The following DMD variants were observed in gnomAD, a reference collection of about 807,000 sequenced individuals.
The protein encoded by DMD is mutant dystrophin.
Under a neutral mutation model 330.1 loss-of-function variants are expected in DMD, and 63 were observed. The ratio of observed to expected loss-of-function variants is 0.19; its 90% CI spans 0.16 to 0.24. The LOEUF (loss-of-function observed/expected upper bound fraction) is 0.24. DMD is among the 10% of genes least tolerant of loss of function. The pLI, the probability that DMD is intolerant of heterozygous loss-of-function variation, is 1.00. For synonymous variants in DMD, 1,223 were observed against 959.8 expected (o/e 1.27, Z -5.07); for missense variants, 3,344 against 2,684.1 (o/e 1.25, Z -5.43).
At chrX:32,144,746 TCACG>T (rs2096770561) in intron 44 of DMD, among the ~76,000 whole-genome samples, 1 of 111,983 alleles carries the variant, frequency 8.9e-6, no homozygotes, top group Non-Finnish European at 1.9e-5. Context: ...AAAATAAAAT[TCACG>T]GGCTGGGCGC....
chrX:32,297,204 T>C (rs957775302), intron 42 of DMD, among the ~76,000 whole-genome samples: 2 of 110,630 alleles, frequency 1.8e-5, no homozygotes, highest in Non-Finnish European at 3.8e-5. Context: ...AAGAAATATT[T>C]GTTGAAAAAA....
intron 43 of DMD, among the ~76,000 whole-genome samples, chrX:32,262,362 G>T (rs1238623189): frequency 9.0e-6 from 1 of 111,341 alleles, no homozygotes; most frequent in Non-Finnish European, 1.9e-5. Flanking sequence ...GGAGGGGCAG[G>T]AGAGAGTGAT....
At chrX:32,051,306 A>C (rs1476617491) in intron 44 of DMD, among the ~76,000 whole-genome samples, 1 of 110,430 alleles carries the variant, frequency 9.1e-6, no homozygotes, top group Non-Finnish European at 1.9e-5. Flanking sequence ...ATAACCCCAT[A>C]ATTTATAAAT....
chrX:32,128,799 A>G (rs955294406), intron 44 of DMD, among the ~76,000 whole-genome samples: 3 of 112,249 alleles, frequency 2.7e-5, no homozygotes, highest in Non-Finnish European at 5.6e-5. Flanking sequence ...GGTTTAAAAC[A>G]CTTCTACTTA....
intron 64 of DMD, among the ~76,000 whole-genome samples, chrX:31,215,654 A>T (rs866196972): frequency 7.1e-5 from 8 of 112,081 alleles, no homozygotes; most frequent in African/African-American, 9.7e-5. Context: ...GTGGCCATCA[A>T]TTGTGATGAT....
chrX:32,679,027 T>G (rs775517027), intron 9 of DMD, among the ~76,000 whole-genome samples: 1 of 111,738 alleles, frequency 8.9e-6, no homozygotes, highest in South Asian at 3.7e-4. Flanking sequence ...GTAAGATAAG[T>G]CTCAAAGTCA....
intron 39 of DMD, among the ~76,000 whole-genome samples, chrX:32,344,843 G>A (rs2097758760): frequency 9.0e-6 from 1 of 111,495 alleles, no homozygotes; most frequent in African/African-American, 3.3e-5. Context: ...AAGGGTGTGA[G>A]TTACATAGCG....
chrX:32,364,440 A>AG (rs757474977), intron 36 of DMD, 142 bp downstream of exon 36: 1 of 676,639 alleles, frequency 1.5e-6, no homozygotes, highest in Admixed American at 2.7e-5. Context: ...CAAAGGGGGA[A>AG]GGAAGGAAAA....
intron 51 of DMD, 79 bp from the exon 52 acceptor site, chrX:31,729,827 A>T: frequency 1.2e-6 from 1 of 815,530 alleles, no homozygotes; most frequent in South Asian, 2.1e-5. Context: ...GTAAAGTACA[A>T]TTGTGAGACC....
At chrX:33,151,892 T>C (rs2048298330) in intron 1 of DMD, among the ~76,000 whole-genome samples, 1 of 112,127 alleles carries the variant, frequency 8.9e-6, no homozygotes, top group African/African-American at 3.2e-5. Context: ...TCTCTCACTA[T>C]TTTTATTTTC....
chrX:32,024,267 C>A (rs2095828918), intron 44 of DMD, among the ~76,000 whole-genome samples: 1 of 110,335 alleles, frequency 9.1e-6, no homozygotes, highest in Non-Finnish European at 1.9e-5. Context: ...GGCGGACTGC[C>A]AGAGCTGAGG....
intron 1 of DMD, among the ~76,000 whole-genome samples, chrX:33,060,550 C>T (rs948149685): frequency 9.0e-6 from 1 of 111,418 alleles, no homozygotes; most frequent in African/African-American, 3.3e-5. Flanking sequence ...ATTCCAGTCT[C>T]GACCAGGCGT....
intron 30 of DMD, among the ~76,000 whole-genome samples, chrX:32,400,429 T>G (rs1302058449): frequency 1.8e-5 from 2 of 111,342 alleles, no homozygotes; most frequent in African/African-American, 6.5e-5. Flanking sequence ...CTTTTTTGGT[T>G]GTGTCTCTGC....
intron 2 of DMD, among the ~76,000 whole-genome samples, chrX:32,902,927 C>T (rs748467410): frequency 1.8e-4 from 20 of 108,801 alleles, no homozygotes; most frequent in Middle Eastern, 9.5e-3. Flanking sequence ...GAGGCCAAGG[C>T]GGGTGGATCA....
intron 2 of DMD, among the ~76,000 whole-genome samples, chrX:32,944,714 C>G (rs2146855477): frequency 9.2e-6 from 1 of 109,137 alleles, no homozygotes; most frequent in South Asian, 4.1e-4. Flanking sequence ...AAGCGATTCT[C>G]CTGCCGCAGC....
chrX:33,249,500 C>G (rs1363461290), intron 1 of DMD, among the ~76,000 whole-genome samples: 1 of 111,567 alleles, frequency 9.0e-6, no homozygotes, highest in Non-Finnish European at 1.9e-5. Context: ...CTCCCCATAT[C>G]ATTATTGCAT....
chrX:32,474,612 CATA>C (rs755932319), intron 21 of DMD, among the ~76,000 whole-genome samples: 2 of 111,831 alleles, frequency 1.8e-5, no homozygotes, highest in East Asian at 2.8e-4. Flanking sequence ...CCTGATCATT[CATA>C]ATGTTAGCAT....
chrX:32,972,741 G>A (rs906254727), intron 2 of DMD, among the ~76,000 whole-genome samples: 8 of 111,590 alleles, frequency 7.2e-5, no homozygotes, highest in South Asian at 3.7e-4. Flanking sequence ...TAGCATCTCC[G>A]TACTTTAGTT....
At chrX:32,565,995 A>G (rs184804803) in intron 15 of DMD, 114 bp from the exon 16 acceptor site, 60 of 656,621 alleles carry the variant, frequency 9.1e-5, no homozygotes, top group Admixed American at 4.8e-4. Flanking sequence ...AAATATTTCA[A>G]TCGTGCCCGC....
Sources: gnomAD v4.1 joint callset for allele counts (sites outside exome capture counted in the v4.1 genomes callset) on GRCh38, gnomAD v4.1.1 for gene constraint, MANE v1.5 for transcripts, NCBI Gene and HGNC (gene_info 2026-07-23, HGNC 2026-07-21) for gene names.